The following HDLBP variants were observed in gnomAD, a reference collection of about 807,000 sequenced individuals.
HDLBP encodes vigilin.
HDLBP carries 30 observed loss-of-function variants against 137.3 expected under a neutral mutation model. The observed-to-expected ratio is 0.22, with a 90% CI of 0.16 to 0.30. The LOEUF is 0.30. Ranked by LOEUF, HDLBP falls within the 10% of genes least tolerant of loss-of-function variation. The probability of loss-of-function intolerance (pLI) is 1.00; values close to 1 mark genes in which losing one functional copy is unlikely to be tolerated. For synonymous variants in HDLBP, 606 were observed against 596.0 expected, an observed-to-expected ratio of 1.02 and a Z score of -0.24; for missense variants, 1,119 against 1,667.3, an observed-to-expected ratio of 0.67 and a Z score of 5.73.
chr2:241,302,434 C>T (rs2075427195), intron 1 of HDLBP, among the ~76,000 whole-genome samples: 1 of 152,110 alleles, frequency 6.6e-6, no homozygotes. Flanking sequence ...ATAGTCCTAG[C>T]TACTCGGCAG....
At chr2:241,292,490 G>A (rs1225243663) in intron 1 of HDLBP, among the ~76,000 whole-genome samples, 1 of 152,264 alleles carries the variant, frequency 6.6e-6, no homozygotes, top group South Asian at 2.1e-4. Flanking sequence ...GTGTAAAAAG[G>A]CTTTTTATGA....
intron 3 of HDLBP, among the ~76,000 whole-genome samples, chr2:241,265,404 G>A (rs570762313): frequency 2.6e-4 from 39 of 152,228 alleles, no homozygotes; most frequent in African/African-American, 9.4e-4. Flanking sequence ...GGCAACAAGA[G>A]CAAAACTCCG....
Position 241,250,279 on chromosome 2 carries a change from G to A in HDLBP, c.1373-299C>T, listed in dbSNP as rs535490242. 56 of 258,172 alleles carry A rather than the reference G, an allele frequency of 2.2e-4. No individual in the cohort carries two copies. The South Asian group carries it at 2.2e-3, about 10-fold the overall frequency. 16.0% of individuals were successfully genotyped at this position (258,172 alleles called of 1,614,324 possible). On this transcript the variant is annotated intron_variant, in intron 11 of 27. Coordinates refer to ENST00000310931, the MANE Select transcript of HDLBP (RefSeq NM_005336.6). Reference sequence around the variant, plus strand: ...GGCCACTCAGTCTGGGATTTAGCTCGTCTGGGGTATTGGCCAGGGCTTCAG... The same window carrying A: ...GGCCACTCAGTCTGGGATTTAGCTCATCTGGGGTATTGGCCAGGGCTTCAG...
chr2:241,295,990 T>A (rs2075164454), intron 1 of HDLBP, among the ~76,000 whole-genome samples: 1 of 151,680 alleles, frequency 6.6e-6, no homozygotes, highest in African/African-American at 2.4e-5. Context: ...GGTAATTTGT[T>A]ACGGCAGCCC....
intron 1 of HDLBP, chr2:241,269,453 G>T (rs1232593833): frequency 2.0e-5 from 3 of 152,172 alleles, no homozygotes; most frequent in Admixed American, 1.3e-4. Flanking sequence ...TGGATTAAAG[G>T]GTCTCGCCTT....
At position 241,296,051 on chromosome 2, in the gene HDLBP, G is replaced by T. The variant is rs565076216; in HGVS notation, c.-103+19519C>A. Reference sequence around the variant, plus strand: ...AGGATATTTTTTTAACTCTAACAAGGATTCTCCTAAAAATTCACCTAAACA... The same window carrying T: ...AGGATATTTTTTTAACTCTAACAAGTATTCTCCTAAAAATTCACCTAAACA... On this transcript the variant is annotated intron_variant, in intron 1 of 27. Coordinates refer to ENST00000310931, the MANE Select transcript of HDLBP (RefSeq NM_005336.6). 2.4e-4 allele frequency among the ~76,000 whole-genome samples: 32 copies of T among 135,528 alleles called. No homozygotes were observed. The South Asian group carries it at 3.8e-3, about 16-fold the overall frequency. 88.9% of individuals were successfully genotyped at this position (135,528 alleles called of 152,430 possible). A position where few individuals can be genotyped will look rare whatever the true frequency, so the allele number is the denominator to read the frequency against.
intron 14 of HDLBP, 87 bp downstream of exon 14, chr2:241,247,916 T>G (rs563413401): frequency 4.5e-6 from 4 of 888,210 alleles, no homozygotes; most frequent in South Asian, 2.9e-5. Context: ...AGAGCAGGGG[T>G]CCTGTGGGGG....
intron 3 of HDLBP, among the ~76,000 whole-genome samples, chr2:241,265,916 C>T (rs2073632580): frequency 6.6e-6 from 1 of 152,234 alleles, no homozygotes; most frequent in Admixed American, 6.5e-5. Context: ...CGGGTTCCAA[C>T]ACCTGACACA....
chr2:241,257,896 G>A (rs1310982378), intron 5 of HDLBP, among the ~76,000 whole-genome samples: 1 of 152,198 alleles, frequency 6.6e-6, no homozygotes, highest in Non-Finnish European at 1.5e-5. Context: ...TGAAAACCCA[G>A]AAACAGAGCT....
At chr2:241,253,273 C>T in intron 10 of HDLBP, 120 bp downstream of exon 10, 1 of 786,236 alleles carries the variant, frequency 1.3e-6, no homozygotes, top group Non-Finnish European at 2.3e-6. Context: ...ACTCACCCAG[C>T]TAGGATGCCC....
Position 241,231,564 on chromosome 2 carries a change from G to C in HDLBP, c.3289-620C>G, listed in dbSNP as rs562807871. On this transcript the variant is annotated intron_variant, in intron 24 of 27. Transcript: ENST00000310931. The stretch of plus-strand genomic sequence containing the variant: ...CTGGACTCAAGGACAGCGGGGCAAA[G>C]ACAAAGCCCCAAGCCCCTCAGCTTC... 1.9e-4 allele frequency among the ~76,000 whole-genome samples: 29 copies of C among 152,284 alleles called. 1 individual carries two copies. The South Asian group carries it at 6.0e-3, about 32-fold the overall frequency.
chr2:241,271,303 G>A (rs755485849), intron 1 of HDLBP, among the ~76,000 whole-genome samples: 2 of 152,196 alleles, frequency 1.3e-5, no homozygotes, highest in Admixed American at 6.5e-5. Flanking sequence ...GTTTCCCAGA[G>A]TGCAAACATC....
In HDLBP at chr2:241,240,056, C is replaced by A. The variant is rs763451461; in HGVS notation, c.2236G>T (p.Gly746Trp). The A allele has an allele frequency of 3.7e-6, 6 of 1,614,218 alleles. No individual in the cohort carries two copies. Among genetic ancestry groups the A allele is most frequent in the South Asian group, 1.1e-5 (1 of 91,088 alleles). The change falls in exon 18 of 28, where the codon GGG (glycine) becomes TGG (tryptophan). Residue 746 changes from glycine to tryptophan, a missense_variant. By Grantham distance (184) the Gly-to-Trp change is radical. Around this residue, in one of 4 missense-constraint regions of HDLBP, gnomAD observed 618 missense variants for 816.7 expected, o/e 0.76. Coordinates refer to ENST00000310931, the MANE Select transcript of HDLBP (RefSeq NM_005336.6). This position sits in a 1 kb window ranked among gnomAD's most constrained non-coding sequence, Gnocchi z 5.5. ...CGCACCTTGCGAATTTTGCCGCCCC[C>A]CTTGCCGATGAGGAATTTGTGGTAT... ...PEYHKFLIGKGGGKIRKVRDS... is the reference protein window; with the variant it reads ...PEYHKFLIGKWGGKIRKVRDS...
At chr2:241,244,724 G>A (rs1175415968) in intron 16 of HDLBP, among the ~76,000 whole-genome samples, 1 of 152,184 alleles carries the variant, frequency 6.6e-6, no homozygotes, top group African/African-American at 2.4e-5. Flanking sequence ...ATCACGCCAA[G>A]AAATGAAGAG....
chr2:241,249,248 G>A, intron 12 of HDLBP: 2 of 462,442 alleles, frequency 4.3e-6, no homozygotes, highest in Non-Finnish European at 9.0e-6. Context: ...CCTGGGGCTT[G>A]TTCCTCACAC....
chr2:241,245,352 T>G (rs2071589736), intron 16 of HDLBP, among the ~76,000 whole-genome samples: 1 of 152,186 alleles, frequency 6.6e-6, no homozygotes, highest in South Asian at 2.1e-4. Context: ...ACTGGCTAAT[T>G]CTTTTTGTAG....
In HDLBP at chr2:241,284,854, C is replaced by A. The variant is rs1224252578; in HGVS notation, c.-102-16313G>T. ...TAAGACTTGCTGAAGGCTCAATGAT[C>A]ATGAGCATTTTTTAACCAATATTTT... is the stretch of plus-strand genomic sequence containing the variant. On this transcript the variant is annotated intron_variant, in intron 1 of 27. Transcript: ENST00000310931. 3.9e-5 allele frequency among the ~76,000 whole-genome samples: 6 copies of A among 152,314 alleles called. No homozygotes were observed. The East Asian group carries it at 1.2e-3, about 29-fold the overall frequency.
At chr2:241,249,496 A>G (rs967249847) in intron 12 of HDLBP, 1 of 504,258 alleles carries the variant, frequency 2.0e-6, no homozygotes. Context: ...CTGGCCTTAC[A>G]TGAGAACCAC....
intron 1 of HDLBP, among the ~76,000 whole-genome samples, chr2:241,311,739 G>A (rs2075763861): frequency 6.6e-6 from 1 of 152,200 alleles, no homozygotes; most frequent in Admixed American, 6.5e-5. Context: ...CCAGAAAAGT[G>A]AAAACAATCC....
Sources: gnomAD v4.1 joint callset for allele counts (sites outside exome capture counted in the v4.1 genomes callset) on GRCh38, gnomAD v4.1.1 for gene constraint, gnomAD v4.1.1 regional missense constraint, Gnocchi (gnomAD v3.1) non-coding constraint, MANE v1.5 for transcripts, NCBI Gene and HGNC (gene_info 2026-07-23, HGNC 2026-07-21) for gene names.